TOX: variants seen among roughly 807,000 people sequenced by gnomAD.
TOX encodes thymocyte selection associated high mobility group box.
TOX carries 11 observed loss-of-function variants against 53.7 expected under a neutral mutation model. The observed-to-expected ratio is 0.20, with a 90% confidence interval of 0.13 to 0.34. TOX has a LOEUF of 0.34. Ranked by LOEUF, TOX falls within the 10% of genes least tolerant of loss-of-function variation. The pLI, the probability that TOX is intolerant of heterozygous loss-of-function variation, is 1.00. For synonymous variants in TOX, 225 were observed against 245.3 expected (o/e 0.92, Z 0.77); for missense variants, 570 against 664.6 (o/e 0.86, Z 1.56).
At chr8:59,096,936 G>A (rs1159137649) in intron 1 of TOX, among the ~76,000 whole-genome samples, 1 of 152,212 alleles carries the variant, frequency 6.6e-6, no homozygotes, top group Non-Finnish European at 1.5e-5. Context: ...TAGGGTGTCA[G>A]TTTATTAATG....
chr8:58,949,749 C>T (rs1336743280), intron 2 of TOX, among the ~76,000 whole-genome samples: 1 of 151,592 alleles, frequency 6.6e-6, no homozygotes, highest in Admixed American at 6.6e-5. Context: ...TTGCTTATGG[C>T]TAGGTTCTAT....
intron 1 of TOX, among the ~76,000 whole-genome samples, chr8:59,063,546 C>T (rs1283759464): frequency 6.6e-6 from 1 of 151,392 alleles, no homozygotes; most frequent in African/African-American, 2.4e-5. Flanking sequence ...AACTCAGCCT[C>T]CCGAGTAGCT....
chr8:58,982,141 G>A (rs958949548), intron 1 of TOX, among the ~76,000 whole-genome samples: 8 of 152,080 alleles, frequency 5.3e-5, no homozygotes, highest in South Asian at 2.1e-4. Context: ...TTGAAGTTGC[G>A]TGCTGTCTTC....
chr8:59,006,112 T>G lies in TOX; in HGVS notation c.103-46104A>C, dbSNP rs77987818. On this transcript the variant is annotated intron_variant, in intron 1 of 8. Coordinates refer to ENST00000361421, the MANE Select transcript of TOX (RefSeq NM_014729.3). ...TCTAATGTTCAAATAAGAGATGCAA[T>G]GTACTTCACTTTCACTTGTCAGAAA... 4.3e-3 allele frequency among the ~76,000 whole-genome samples: 652 copies of G among 152,368 alleles called. 2 individuals carry two copies. The highest frequency in any genetic ancestry group is 0.01 in the East Asian group (52 of 5,194).
At chr8:59,050,731 G>A (rs1456787258) in intron 1 of TOX, among the ~76,000 whole-genome samples, 1 of 152,076 alleles carries the variant, frequency 6.6e-6, no homozygotes, top group Non-Finnish European at 1.5e-5. Context: ...CATTTGGTGT[G>A]TGTGCTAAGT....
At chr8:58,898,359 C>T (rs927275798) in intron 3 of TOX, among the ~76,000 whole-genome samples, 8 of 36,626 alleles carry the variant, frequency 2.2e-4, no homozygotes, top group African/African-American at 9.7e-4. Flanking sequence ...TTTTATCTCT[C>T]GTTGTGCTCA....
intron 3 of TOX, among the ~76,000 whole-genome samples, chr8:58,871,566 C>A (rs935239278): frequency 1.2e-4 from 18 of 152,100 alleles, no homozygotes; most frequent in Admixed American, 1.3e-4. Context: ...GTCCATAAGA[C>A]TAAAGGCAAA....
intron 1 of TOX, among the ~76,000 whole-genome samples, chr8:59,086,936 G>T (rs770485322): frequency 1.1e-4 from 17 of 152,112 alleles, no homozygotes; most frequent in Non-Finnish European, 2.4e-4. Flanking sequence ...CTGATGGTAG[G>T]ATGAAGTTAG....
chr8:59,030,441 T>C (rs1814333358), intron 1 of TOX, among the ~76,000 whole-genome samples: 3 of 152,206 alleles, frequency 2.0e-5, no homozygotes, highest in African/African-American at 2.4e-5. Flanking sequence ...CAGCCTTTTA[T>C]TTAATATTTG....
chr8:59,058,727 A>C (rs1478153535), intron 1 of TOX, among the ~76,000 whole-genome samples: 3 of 152,146 alleles, frequency 2.0e-5, no homozygotes, highest in Non-Finnish European at 4.4e-5. Context: ...TTCCAGAAGG[A>C]GCTCAGGAGG....
At chr8:59,033,233 T>C (rs910394509) in intron 1 of TOX, among the ~76,000 whole-genome samples, 9 of 152,212 alleles carry the variant, frequency 5.9e-5, no homozygotes, top group Admixed American at 2.0e-4. Context: ...GGTCCCCAAA[T>C]TCTTTGACAC....
At chr8:59,059,738 C>T (rs1389385605) in intron 1 of TOX, among the ~76,000 whole-genome samples, 1 of 152,156 alleles carries the variant, frequency 6.6e-6, no homozygotes, top group African/African-American at 2.4e-5. Context: ...TACTTGATTT[C>T]CCTTATGTAC....
chr8:59,082,687 T>A (rs974732857), intron 1 of TOX, among the ~76,000 whole-genome samples: 6 of 152,192 alleles, frequency 3.9e-5, no homozygotes, highest in African/African-American at 1.4e-4. Context: ...TACCCTAGAC[T>A]GTATCTTTGT....
At chr8:58,936,562 C>T (rs1038616240) in intron 3 of TOX, among the ~76,000 whole-genome samples, 39 of 152,148 alleles carry the variant, frequency 2.6e-4, no homozygotes, top group African/African-American at 8.2e-4. Context: ...GCATTCTAGT[C>T]GTGTGGGAGC....
At chr8:59,107,047 G>GGGGC (rs1554547186) in intron 1 of TOX, among the ~76,000 whole-genome samples, 1 of 46,546 alleles carries the variant, frequency 2.1e-5, no homozygotes, top group Non-Finnish European at 3.9e-5. Flanking sequence ...GCAGTTTGCT[G>GGGGC]GGGGGGGGGG....
At chr8:59,092,203 G>A (rs1365266335) in intron 1 of TOX, among the ~76,000 whole-genome samples, 1 of 145,184 alleles carries the variant, frequency 6.9e-6, no homozygotes, top group African/African-American at 2.6e-5. Flanking sequence ...AGTGAGTCGA[G>A]ATCGCGCCAC....
In TOX at chr8:58,947,254, A is replaced by C. The variant is rs116546644; in HGVS notation, c.169-7710T>G. Among the ~76,000 whole-genome samples, 724 of 152,284 alleles carry C rather than the reference A, an allele frequency of 4.8e-3. 2 individuals carry two copies. Among genetic ancestry groups the C allele is most frequent in the African/African-American group, 0.017 (700 of 41,588 alleles). ...GATAATTTTAAGATCCATAGGCTAC[A>C]TAAAATTTCTAGAACTCTCATAAAG... On this transcript the variant is annotated intron_variant, in intron 2 of 8. Coordinates refer to ENST00000361421, the MANE Select transcript of TOX (RefSeq NM_014729.3).
At chr8:59,033,419 G>A (rs981962715) in intron 1 of TOX, among the ~76,000 whole-genome samples, 2 of 152,212 alleles carry the variant, frequency 1.3e-5, no homozygotes, top group African/African-American at 4.8e-5. Flanking sequence ...ATTTCAGTTG[G>A]GGATGATGAA....
chr8:59,103,906 C>A (rs1333985115), intron 1 of TOX, among the ~76,000 whole-genome samples: 1 of 152,168 alleles, frequency 6.6e-6, no homozygotes, highest in African/African-American at 2.4e-5. Flanking sequence ...ACACATAAAG[C>A]ATTAATATTC....
Sources: gnomAD v4.1 joint callset for allele counts (sites outside exome capture counted in the v4.1 genomes callset) on GRCh38, gnomAD v4.1.1 for gene constraint, MANE v1.5 for transcripts, NCBI Gene and HGNC (gene_info 2026-07-23, HGNC 2026-07-21) for gene names.